HEY2: variants seen among roughly 807,000 people sequenced by gnomAD.
HEY2 encodes hes related family bHLH transcription factor with YRPW motif 2.
HEY2 carries 10 observed loss-of-function variants against 18.1 expected under a neutral mutation model. That is an observed-to-expected ratio of 0.55 (90% CI 0.34 to 0.94). The LOEUF is 0.94. Among genes scored for constraint, HEY2 ranks in the 40% least tolerant of loss-of-function variants. The pLI is 0.02. For missense variants in HEY2, 455 were observed against 455.9 expected (o/e 1.00, Z 0.02); for synonymous variants, 210 against 182.7 (o/e 1.15, Z -1.21).
rs909126615 is a variant in HEY2, at chr6:125,749,687, C to T, written c.-90C>T. 4 of 927,974 alleles carry T rather than the reference C, an allele frequency of 4.3e-6. No individual in the cohort carries two copies. Among genetic ancestry groups the T allele is most frequent in the Admixed American group, 2.7e-5 (1 of 37,152 alleles). 57.5% of individuals were successfully genotyped at this position (927,974 alleles called of 1,614,324 possible). Reference sequence around the variant, plus strand: ...CGCCGGAGCCGCGCCTGCCCAGGCCCGGGGAGGGAGGAGGCGGGCGTCAGG... The same window carrying T: ...CGCCGGAGCCGCGCCTGCCCAGGCCTGGGGAGGGAGGAGGCGGGCGTCAGG... On this transcript the variant is annotated 5_prime_UTR_variant, in exon 1 of 5. Transcript: ENST00000368364.
At chr6:125,758,485 ACT>A (rs1313893668) in intron 4 of HEY2, among the ~76,000 whole-genome samples, 3 of 152,074 alleles carry the variant, frequency 2.0e-5, no homozygotes, top group East Asian at 3.8e-4. Context: ...TTTTTTAAAA[ACT>A]CATTTTGTTT....
In HEY2 at chr6:125,759,586, C is replaced by G; in HGVS notation, c.798C>G (p.Ala266=). The change falls in exon 5 of 5, where the codon GCC becomes GCG. Residue 266 remains alanine (A), a synonymous_variant. Transcript: ENST00000368364. ...SLLSLSATVH[A]AAAAATAAAH... is the part of the protein sequence containing the mutation. ...TGTCCCTCTCTGCCACCGTCCACGC[C>G]GCAGCCGCAGCAGCCACCGCGGCTG... 6.2e-7 allele frequency: 1 copy of G among 1,610,434 alleles called. No homozygotes were observed. Among genetic ancestry groups the G allele is most frequent in the Non-Finnish European group, 8.5e-7 (1 of 1,179,784 alleles).
Position 125,754,479 on chromosome 6 carries a change from A to G in HEY2, c.261A>G (p.Leu87=). 1 of 1,594,768 alleles carries G rather than the reference A, an allele frequency of 6.3e-7. No individual in the cohort carries two copies. Among genetic ancestry groups the G allele is most frequent in the South Asian group, 1.1e-5 (1 of 87,372 alleles). The change falls in exon 4 of 5, where the codon TTA becomes TTG. Residue 87 remains leucine (L), a synonymous_variant. Coordinates refer to ENST00000368364, the MANE Select transcript of HEY2 (RefSeq NM_012259.3). ...TATTTATGAAGGGATCTGCAAAGTT[A>G]GAAAAAGCTGAAATATTGCAAATGA... The part of the protein sequence containing the change: ...TAFEKQGSAK[L]EKAEILQMTV...
chr6:125,757,521 T>A (rs1773687745), intron 4 of HEY2, among the ~76,000 whole-genome samples: 1 of 152,244 alleles, frequency 6.6e-6, no homozygotes, highest in Admixed American at 6.5e-5. Context: ...ATTTTAGCTT[T>A]AGGACTCTTA....
intron 3 of HEY2, among the ~76,000 whole-genome samples, chr6:125,753,269 G>C (rs1196933394): frequency 6.6e-6 from 1 of 152,170 alleles, no homozygotes; most frequent in Non-Finnish European, 1.5e-5. Flanking sequence ...CTGCAGTTAT[G>C]AGGCGAAGTC....
chr6:125,759,064 T>C, intron 4 of HEY2, 53 bp from the exon 5 acceptor site: 2 of 1,407,156 alleles, frequency 1.4e-6, no homozygotes, highest in Non-Finnish European at 1.9e-6. Context: ...TTCTCACCCC[T>C]ACCTCCCGCC....
intron 1 of HEY2, among the ~76,000 whole-genome samples, chr6:125,750,949 C>T (rs1169291832): frequency 6.6e-6 from 1 of 152,232 alleles, no homozygotes; most frequent in South Asian, 2.1e-4. Context: ...CACAAAGAAG[C>T]ATAGTATCCA....
chr6:125,759,634 C>T lies in HEY2; in HGVS notation c.846C>T (p.Phe282=), dbSNP rs763500780. The change falls in exon 5 of 5, where the codon TTC becomes TTT. Residue 282 remains phenylalanine (F), a synonymous_variant. Transcript: ENST00000368364. ...TAAAHSFPLS[F]AGAFPMLPPN... ...CTGCACACAGCTTCCCTCTGTCCTT[C>T]GCGGGGGCATTCCCCATGCTTCCCC... 1.1e-5 allele frequency: 18 copies of T among 1,610,832 alleles called. No individual in the cohort carries two copies. The African/African-American group carries it at 1.7e-4, about 16-fold the overall frequency.
rs1459424629 is a variant in HEY2, at chr6:125,760,564, T to C, written c.*762T>C. On this transcript the variant is annotated 3_prime_UTR_variant, in exon 5 of 5. Transcript: ENST00000368364. ...CCAGGCACTTTTTTTTTTGGATGGCTCAAAATATGGTGCTGCTTTATATAA... is the reference window on the plus strand; with the variant it reads ...CCAGGCACTTTTTTTTTTGGATGGCCCAAAATATGGTGCTGCTTTATATAA... 6.6e-6 allele frequency: 1 copy of C among 152,114 alleles called. No homozygotes were observed. The highest frequency in any genetic ancestry group is 1.5e-5 in the Non-Finnish European group (1 of 68,010). 9.4% of individuals were successfully genotyped at this position (152,114 alleles called of 1,614,324 possible). A position where few individuals can be genotyped will look rare whatever the true frequency, so the allele number is the denominator to read the frequency against.
intron 3 of HEY2, among the ~76,000 whole-genome samples, chr6:125,753,989 G>A (rs989894432): frequency 6.6e-6 from 1 of 152,106 alleles, no homozygotes; most frequent in Non-Finnish European, 1.5e-5. Flanking sequence ...GGACTTATTG[G>A]AGTTTTCTAT....
intron 4 of HEY2, among the ~76,000 whole-genome samples, chr6:125,757,204 C>G (rs1773680059): frequency 6.6e-6 from 1 of 152,182 alleles, no homozygotes; most frequent in South Asian, 2.1e-4. Context: ...TGGACTCTGT[C>G]TATTCTATTC....
intron 3 of HEY2, among the ~76,000 whole-genome samples, chr6:125,753,144 T>C (rs1403871038): frequency 6.6e-6 from 1 of 152,234 alleles, no homozygotes; most frequent in Non-Finnish European, 1.5e-5. Flanking sequence ...TTTGATAAAC[T>C]AAAAATAATG....
intron 1 of HEY2, chr6:125,750,274 C>A: frequency 1.0e-6 from 1 of 985,178 alleles, no homozygotes; most frequent in Non-Finnish European, 1.2e-6. Flanking sequence ...ACCAAAATCA[C>A]AACTTGATTT....
intron 4 of HEY2, 25 bp from the exon 5 acceptor site, chr6:125,759,092 C>G (rs772942465): frequency 9.0e-6 from 14 of 1,558,626 alleles, no homozygotes; most frequent in African/African-American, 1.4e-5. Flanking sequence ...CTCCTGTTCC[C>G]TACTTTGCTC....
intron 4 of HEY2, among the ~76,000 whole-genome samples, chr6:125,756,992 A>G (rs1051155145): frequency 4.6e-5 from 7 of 152,204 alleles, no homozygotes; most frequent in Admixed American, 3.9e-4. Context: ...CCTTTAAGAT[A>G]TAACAGAGAG....
rs1267280652 is a variant in HEY2, at chr6:125,760,723, A to G, written c.*921A>G. ...TAATTTATTCAGTTTCATTAGGACT[A>G]TTTTTATATATTTATCCTCTTCATT... On this transcript the variant is annotated 3_prime_UTR_variant, in exon 5 of 5. Coordinates refer to ENST00000368364, the MANE Select transcript of HEY2 (RefSeq NM_012259.3). 1 of 152,486 alleles carries G rather than the reference A, an allele frequency of 6.6e-6. No individual in the cohort carries two copies. Among genetic ancestry groups the G allele is most frequent in the East Asian group, 1.9e-4 (1 of 5,200 alleles). The allele number at this position is 152,486 out of a possible 1,614,324, so 9.4% of individuals were successfully genotyped here.
At chr6:125,751,415 G>T (rs954620099) in intron 1 of HEY2, among the ~76,000 whole-genome samples, 5 of 152,160 alleles carry the variant, frequency 3.3e-5, no homozygotes, top group Non-Finnish European at 1.5e-5. Flanking sequence ...GCATTATTTT[G>T]TTCAGTGTGC....
intron 1 of HEY2, among the ~76,000 whole-genome samples, chr6:125,751,500 A>G (rs778077286): frequency 2.0e-5 from 3 of 152,244 alleles, no homozygotes; most frequent in Non-Finnish European, 4.4e-5. Flanking sequence ...GGAAATGCTA[A>G]TATCTAACTT....
rs529103545 is a variant in HEY2, at chr6:125,754,872, A to C, written c.328+326A>C. Among the ~76,000 whole-genome samples the C allele has an allele frequency of 2.6e-5, 4 of 152,322 alleles. No homozygotes were observed. In the East Asian group the frequency reaches 7.7e-4, roughly 29 times the overall value. On this transcript the variant is annotated intron_variant, in intron 4 of 4. Transcript: ENST00000368364. ...TGCTGGAATCTGTACAGAAAGAACA[A>C]AAAACAAACACACAAACATCCAAAC... is the stretch of plus-strand genomic sequence containing the variant.
Sources: gnomAD v4.1 joint callset for allele counts (sites outside exome capture counted in the v4.1 genomes callset) on GRCh38, gnomAD v4.1.1 for gene constraint, MANE v1.5 for transcripts, NCBI Gene and HGNC (gene_info 2026-07-23, HGNC 2026-07-21) for gene names.